Variants in MEIKIN observed in about 807,000 individuals in gnomAD.
The protein encoded by MEIKIN is meiosis-specific kinetochore protein.
chr5:131,896,136 G>A (rs544254646), intron 8 of MEIKIN, among the ~76,000 whole-genome samples: 1 of 152,118 alleles, frequency 6.6e-6, no homozygotes, highest in East Asian at 1.9e-4. Context: ...CCTTGATTTC[G>A]TTATTTACCC....
chr5:131,828,182 G>A (rs921400337), intron 11 of MEIKIN, among the ~76,000 whole-genome samples: 1 of 152,034 alleles, frequency 6.6e-6, no homozygotes, highest in Non-Finnish European at 1.5e-5. Flanking sequence ...AGACACATCT[G>A]GCTCTGTCGC....
At chr5:131,837,684 T>C (rs115027896) in intron 11 of MEIKIN, among the ~76,000 whole-genome samples, 2,698 of 152,018 alleles carry the variant, frequency 0.018, 54 homozygotes, top group African/African-American at 0.047. Context: ...ATAGGAATGT[T>C]AGTTATTTTT....
At chr5:131,812,001 A>T (rs973317380) in intron 12 of MEIKIN, among the ~76,000 whole-genome samples, 1 of 152,220 alleles carries the variant, frequency 6.6e-6, no homozygotes, top group African/African-American at 2.4e-5. Flanking sequence ...CACTGACATA[A>T]GGAAACACAA....
intron 11 of MEIKIN, among the ~76,000 whole-genome samples, chr5:131,824,694 T>G (rs1002751202): frequency 2.0e-5 from 3 of 151,992 alleles, no homozygotes; most frequent in African/African-American, 7.2e-5. Context: ...GCCCAGACTA[T>G]AACAAATAAA....
At chr5:131,903,375 G>GA in intron 8 of MEIKIN, among the ~76,000 whole-genome samples, 1 of 152,182 alleles carries the variant, frequency 6.6e-6, no homozygotes, top group Middle Eastern at 3.4e-3. Flanking sequence ...CAAAATGAAA[G>GA]AAAAAATGTT....
chr5:131,810,943 C>A (rs188650742), intron 12 of MEIKIN, among the ~76,000 whole-genome samples: 12 of 152,212 alleles, frequency 7.9e-5, no homozygotes, highest in Middle Eastern at 3.4e-3. Context: ...CTTTAAATGC[C>A]AGGACTAAAA....
chr5:131,910,914 T>C (rs1751326344), intron 8 of MEIKIN, among the ~76,000 whole-genome samples: 1 of 152,146 alleles, frequency 6.6e-6, no homozygotes, highest in African/African-American at 2.4e-5. Context: ...AAAGCAACAC[T>C]TTTTATTTGG....
intron 11 of MEIKIN, among the ~76,000 whole-genome samples, chr5:131,819,765 A>AT (rs1167213249): frequency 0.015 from 957 of 64,584 alleles, 191 homozygotes; most frequent in East Asian, 0.049. Context: ...ACATCCAGCT[A>AT]TTTTTTTTTT....
intron 9 of MEIKIN, among the ~76,000 whole-genome samples, chr5:131,864,112 A>G (rs1343486249): frequency 6.6e-6 from 1 of 152,138 alleles, no homozygotes; most frequent in Non-Finnish European, 1.5e-5. Context: ...TTTTTTAATC[A>G]TTCAGCCAGT....
intron 7 of MEIKIN, among the ~76,000 whole-genome samples, chr5:131,914,587 GAAGGGAAGGGAAGGGAAGGGAAGGA>G (rs1221517941): frequency 5.8e-4 from 38 of 65,570 alleles, no homozygotes; most frequent in African/African-American, 1.5e-3. Context: ...GAAGGGAAGG[GAAGGGAAGGGAAGGGAAGGGAAGGA>G]AAGGGAAGGA....
chr5:131,835,514 T>A (rs1749790252), intron 11 of MEIKIN, among the ~76,000 whole-genome samples: 1 of 152,222 alleles, frequency 6.6e-6, no homozygotes, highest in Non-Finnish European at 1.5e-5. Flanking sequence ...TACATTTAAG[T>A]CTTTAATCCA....
At chr5:131,904,820 G>T (rs1179203103) in intron 8 of MEIKIN, among the ~76,000 whole-genome samples, 2 of 152,178 alleles carry the variant, frequency 1.3e-5, no homozygotes, top group South Asian at 2.1e-4. Context: ...CATAAAAAAT[G>T]ATGAGTTCAT....
At chr5:131,944,834 A>G (rs2149657242) in intron 2 of MEIKIN, 82 bp from the exon 3 acceptor site, 1 of 398,958 alleles carries the variant, frequency 2.5e-6, no homozygotes, top group Middle Eastern at 6.3e-4. Flanking sequence ...AGAATCTGAA[A>G]GGCTCTTTAG....
At chr5:131,877,001 TG>T (rs1177501007) in intron 9 of MEIKIN, among the ~76,000 whole-genome samples, 2 of 42,688 alleles carry the variant, frequency 4.7e-5, no homozygotes, top group Non-Finnish European at 9.0e-5. Context: ...TGTTGTGGGG[TG>T]GGGGGAGGGG....
chr5:131,895,181 G>A (rs1257292376), intron 8 of MEIKIN, among the ~76,000 whole-genome samples: 1 of 152,156 alleles, frequency 6.6e-6, no homozygotes, highest in Non-Finnish European at 1.5e-5. Flanking sequence ...TTTATGTGAT[G>A]GATTACGTTT....
chr5:131,886,323 C>A (rs1329341597), intron 8 of MEIKIN, among the ~76,000 whole-genome samples: 2 of 152,022 alleles, frequency 1.3e-5, no homozygotes, highest in Non-Finnish European at 2.9e-5. Flanking sequence ...GGTTATAGAA[C>A]ACCAAGAATA....
chr5:131,900,652 A>G (rs59865381), intron 8 of MEIKIN, among the ~76,000 whole-genome samples: 4,059 of 152,260 alleles, frequency 0.027, 189 homozygotes, highest in African/African-American at 0.092. Context: ...TGAACAGCCC[A>G]GGGTAGTCTT....
chr5:131,810,497 G>C (rs1772933474), intron 12 of MEIKIN, among the ~76,000 whole-genome samples: 1 of 152,128 alleles, frequency 6.6e-6, no homozygotes, highest in South Asian at 2.1e-4. Context: ...CTGTGCATTT[G>C]GGCAAGTCAC....
chr5:131,854,282 G>A (rs1750160456), intron 10 of MEIKIN, among the ~76,000 whole-genome samples: 1 of 152,142 alleles, frequency 6.6e-6, no homozygotes, highest in South Asian at 2.1e-4. Flanking sequence ...GGTACCTAGA[G>A]TAGTCAAATT....
Sources: gnomAD v4.1 joint callset for allele counts (sites outside exome capture counted in the v4.1 genomes callset) on GRCh38, gnomAD v4.1.1 for gene constraint, MANE v1.5 for transcripts, NCBI Gene and HGNC (gene_info 2026-07-23, HGNC 2026-07-21) for gene names.